Variants in COL10A1 observed in about 807,000 individuals in gnomAD.
COL10A1 encodes collagen alpha-1(X) chain.
COL10A1 carries 10 observed loss-of-function variants against 18.2 expected under a neutral mutation model. The observed-to-expected ratio is 0.55, with a 90% CI of 0.34 to 0.93. The LOEUF (loss-of-function observed/expected upper bound fraction) is 0.93. Ranked by LOEUF, COL10A1 falls within the 40% of genes least tolerant of loss-of-function variation. The pLI, the probability that COL10A1 is intolerant of heterozygous loss-of-function variation, is 0.02. For missense variants in COL10A1, 897 were observed against 853.5 expected, an observed-to-expected ratio of 1.05 and a Z score of -0.64; for synonymous variants, 330 against 316.6, an observed-to-expected ratio of 1.04 and a Z score of -0.45.
the COL10A1 span, among the ~76,000 whole-genome samples, chr6:116,168,623 T>A: frequency 3.3e-5 from 5 of 152,280 alleles, no homozygotes; most frequent in African/African-American, 1.2e-4. Flanking sequence ...TTCCCCCTTT[T>A]TTTGATTGTT....
the COL10A1 span, among the ~76,000 whole-genome samples, chr6:116,188,049 G>T: frequency 9.9e-5 from 15 of 151,972 alleles, no homozygotes; most frequent in African/African-American, 2.4e-4. Context: ...TTGACAGGCA[G>T]TTTACAAATA....
chr6:116,146,696 T>A (rs1479115294), intron 1 of COL10A1, among the ~76,000 whole-genome samples: 2 of 152,154 alleles, frequency 1.3e-5, no homozygotes, highest in Non-Finnish European at 2.9e-5. Flanking sequence ...TAAATCTTTT[T>A]GATCTACATT....
chr6:116,191,675 TAA>T, the COL10A1 span, among the ~76,000 whole-genome samples: 1 of 152,078 alleles, frequency 6.6e-6, no homozygotes, highest in East Asian at 1.9e-4. Flanking sequence ...AATCCATTGC[TAA>T]AAAGAGTCAA....
At chr6:116,144,791 T>C (rs1043011419) in intron 1 of COL10A1, among the ~76,000 whole-genome samples, 4 of 152,164 alleles carry the variant, frequency 2.6e-5, no homozygotes, top group Non-Finnish European at 5.9e-5. Context: ...TATTTGTCCC[T>C]GACAACTGTG....
the COL10A1 span, among the ~76,000 whole-genome samples, chr6:116,197,429 G>A: frequency 1.3e-5 from 2 of 152,016 alleles, no homozygotes; most frequent in African/African-American, 4.8e-5. Context: ...ATCATTGGAA[G>A]ATACTGGGAA....
At chr6:116,145,426 A>G (rs1225252648) in intron 1 of COL10A1, 2 of 366,486 alleles carry the variant, frequency 5.5e-6, no homozygotes, top group Non-Finnish European at 1.2e-5. Flanking sequence ...TCTGTTCTTT[A>G]TTATCTCTTA....
At chr6:116,179,156 G>A in the COL10A1 span, among the ~76,000 whole-genome samples, 2 of 152,014 alleles carry the variant, frequency 1.3e-5, no homozygotes, top group Non-Finnish European at 2.9e-5. Flanking sequence ...CAATTTATTT[G>A]TTTCTCTTTA....
At chr6:116,164,942 C>CA in the COL10A1 span, among the ~76,000 whole-genome samples, 1 of 151,596 alleles carries the variant, frequency 6.6e-6, no homozygotes, top group Non-Finnish European at 1.5e-5. Flanking sequence ...AAATAAAATA[C>CA]AAAAAATTAG....
chr6:116,189,037 T>A, the COL10A1 span, among the ~76,000 whole-genome samples: 2 of 151,970 alleles, frequency 1.3e-5, no homozygotes, highest in Non-Finnish European at 2.9e-5. Context: ...AGAAGTTGTA[T>A]CCTTGTATAT....
chr6:116,182,861 A>G, the COL10A1 span, among the ~76,000 whole-genome samples: 2 of 151,246 alleles, frequency 1.3e-5, no homozygotes, highest in Admixed American at 1.3e-4. Context: ...TGCTGATTGT[A>G]TTTTTTGCTG....
At chr6:116,155,405 T>G (rs1780161843) in intron 1 of COL10A1, among the ~76,000 whole-genome samples, 1 of 152,194 alleles carries the variant, frequency 6.6e-6, no homozygotes, top group Non-Finnish European at 1.5e-5. Context: ...ACATCTCTTT[T>G]GGAATTCAGT....
chr6:116,150,337 A>G (rs371782391), intron 1 of COL10A1, among the ~76,000 whole-genome samples: 2 of 152,038 alleles, frequency 1.3e-5, no homozygotes, highest in African/African-American at 4.8e-5. Context: ...CCAGGAAGGA[A>G]TGCAGTGGCA....
At chr6:116,192,748 A>G in the COL10A1 span, among the ~76,000 whole-genome samples, 2 of 152,042 alleles carry the variant, frequency 1.3e-5, no homozygotes, top group East Asian at 3.9e-4. Flanking sequence ...CTGAGTACTA[A>G]TACTTTGTCT....
chr6:116,182,362 T>A, the COL10A1 span, among the ~76,000 whole-genome samples: 1 of 152,096 alleles, frequency 6.6e-6, no homozygotes, highest in Non-Finnish European at 1.5e-5. Context: ...TGTAAGTATC[T>A]GTTTTGTATA....
the COL10A1 span, among the ~76,000 whole-genome samples, chr6:116,191,513 A>G: frequency 1.3e-5 from 2 of 152,192 alleles, no homozygotes; most frequent in South Asian, 4.1e-4. Flanking sequence ...AATAGCCTTC[A>G]ACAATCACTG....
chr6:116,164,869 G>A, the COL10A1 span, among the ~76,000 whole-genome samples: 3 of 152,034 alleles, frequency 2.0e-5, no homozygotes, highest in African/African-American at 4.8e-5. Context: ...AGATCATAAG[G>A]TCAGGAGATC....
the COL10A1 span, among the ~76,000 whole-genome samples, chr6:116,217,050 C>G: frequency 6.6e-6 from 1 of 152,048 alleles, no homozygotes; most frequent in Admixed American, 6.6e-5. Flanking sequence ...AAAATTCTGG[C>G]CAAAAATCAT....
At chr6:116,201,315 AT>A in the COL10A1 span, among the ~76,000 whole-genome samples, 1 of 152,032 alleles carries the variant, frequency 6.6e-6, no homozygotes, top group African/African-American at 2.4e-5. Flanking sequence ...CACCACCTTT[AT>A]TTCAGTGAAC....
At chr6:116,125,835 C>A in intron 1 of COL10A1, 1 of 210,480 alleles carries the variant, frequency 4.8e-6, no homozygotes, top group Non-Finnish European at 9.6e-6. Context: ...TCAAAATACA[C>A]TGAAATTCGG....
Sources: allele counts gnomAD v4.1 joint callset (sites outside exome capture counted in the v4.1 genomes callset), GRCh38; gene constraint gnomAD v4.1.1; transcripts MANE v1.5; gene names NCBI Gene and HGNC (gene_info 2026-07-23, HGNC 2026-07-21).